Variants in TEN1 observed in about 807,000 individuals in gnomAD.
TEN1 encodes TEN1 subunit of CST complex.
Under a neutral mutation model 9.3 loss-of-function variants are expected in TEN1, and 6 were observed. That is an observed-to-expected ratio of 0.65 (90% CI 0.35 to 1.27). TEN1 has a LOEUF of 1.27. TEN1 is among the 50% of genes most tolerant of loss of function. The pLI is 0.03. For missense variants in TEN1, 149 were observed against 158.2 expected, an observed-to-expected ratio of 0.94 and a Z score of 0.31; for synonymous variants, 65 against 65.6, an observed-to-expected ratio of 0.99 and a Z score of 0.04.
intron 3 of TEN1, among the ~76,000 whole-genome samples, chr17:75,998,017 A>T (rs2066227558): frequency 6.6e-6 from 1 of 151,916 alleles, no homozygotes; most frequent in Admixed American, 6.6e-5. Flanking sequence ...ACACCCAGCT[A>T]ATTTTTGTCT....
intron 2 of TEN1, among the ~76,000 whole-genome samples, chr17:75,989,195 G>A (rs1256149730): frequency 6.6e-6 from 1 of 151,228 alleles, no homozygotes; most frequent in Non-Finnish European, 1.5e-5. Context: ...TGCCTCCCAG[G>A]TTCACGCCAT....
chr17:75,983,898 C>T (rs1376193595), intron 1 of TEN1, among the ~76,000 whole-genome samples: 1 of 152,038 alleles, frequency 6.6e-6, no homozygotes, highest in African/African-American at 2.4e-5. Flanking sequence ...AAGATATCTC[C>T]AAAGGCCAAT....
chr17:75,997,255 A>G (rs1291357981), intron 3 of TEN1, among the ~76,000 whole-genome samples: 1 of 152,116 alleles, frequency 6.6e-6, no homozygotes, highest in Non-Finnish European at 1.5e-5. Context: ...GAGTGCAGAA[A>G]GATCACAGAA....
Position 75,990,791 on chromosome 17 carries a change from G to GAAA in TEN1, c.93-663_93-661dup, listed in dbSNP as rs34463013. On this transcript the variant is annotated intron_variant, in intron 2 of 3. Transcript: ENST00000397640. ...GGTCAAGGCTGCAGCCTGGGATACAGAAAAAAAAAAAAAAGAAAGGAAGAA... is the reference window on the plus strand; with the variant it reads ...GGTCAAGGCTGCAGCCTGGGATACAGAAAAAAAAAAAAAAAAAGAAAGGAAGAA... Among the ~76,000 whole-genome samples, 305 of 123,386 alleles carry GAAA rather than the reference G, an allele frequency of 2.5e-3. 4 individuals carry two copies. The highest frequency in any genetic ancestry group is 6.6e-3 in the African/African-American group (237 of 36,000). 80.9% of individuals were successfully genotyped at this position (123,386 alleles called of 152,430 possible). A position where few individuals can be genotyped will look rare whatever the true frequency, so the allele number is the denominator to read the frequency against.
At position 75,991,495 on chromosome 17, in the gene TEN1, G is replaced by C; in HGVS notation, c.122G>C (p.Arg41Thr). ...TGCCTCTATGACATGATTCAGTCCA[G>C]AGTAACACTGATGGCTCAGCACGGA... ...RLCLYDMIQSRVTLMAQHGSD... is the reference protein window; with the variant it reads ...RLCLYDMIQSTVTLMAQHGSD... Residue 41 changes from arginine (R) to threonine (T), a missense_variant, in exon 3 of 4, where the codon AGA (arginine) becomes ACA (threonine). By Grantham distance (71) the Arg-to-Thr change is moderately conservative (BLOSUM62 -1). Transcript: ENST00000397640. 1 of 1,552,286 alleles carries C rather than the reference G, an allele frequency of 6.4e-7. No homozygotes were observed.
At chr17:75,980,428 A>AT (rs758453002) in intron 1 of TEN1, among the ~76,000 whole-genome samples, 21,949 of 145,942 alleles carry the variant, frequency 0.15, 2,039 homozygotes, top group African/African-American at 0.28. Flanking sequence ...ATCTCTAGTC[A>AT]TTTTTTTTTT....
At chr17:75,981,646 T>TC (rs1044211963) in intron 1 of TEN1, among the ~76,000 whole-genome samples, 2 of 148,294 alleles carry the variant, frequency 1.3e-5, no homozygotes, top group African/African-American at 5.0e-5. Flanking sequence ...AGGTGCATTC[T>TC]CCCCCGAGCC....
At position 75,998,410 on chromosome 17, in the gene TEN1, T is replaced by C. The variant is rs917315299; in HGVS notation, c.251-1731T>C. Among the ~76,000 whole-genome samples the C allele has an allele frequency of 2.0e-5, 3 of 151,836 alleles. No homozygotes were observed. The South Asian group carries it at 6.2e-4, about 31-fold the overall frequency. On this transcript the variant is annotated intron_variant, in intron 3 of 3. Transcript: ENST00000397640. Reference sequence around the variant, plus strand: ...ATCTGCTTGTCTTGCCCTCCCAAAGTGTTGGGATTACAGTGTTGGGAGCCA... The same window carrying C: ...ATCTGCTTGTCTTGCCCTCCCAAAGCGTTGGGATTACAGTGTTGGGAGCCA...
chr17:75,981,389 G>A (rs1390239099), intron 1 of TEN1, among the ~76,000 whole-genome samples: 2 of 151,996 alleles, frequency 1.3e-5, no homozygotes, highest in African/African-American at 2.4e-5. Flanking sequence ...GTTTCACTAT[G>A]TTGACCAGGC....
intron 3 of TEN1, among the ~76,000 whole-genome samples, chr17:75,998,527 T>C (rs1162383021): frequency 1.3e-5 from 2 of 152,144 alleles, no homozygotes; most frequent in African/African-American, 4.8e-5. Flanking sequence ...TCAAATGAGT[T>C]CATTGCCTAA....
intron 3 of TEN1, among the ~76,000 whole-genome samples, chr17:75,998,725 C>T (rs898926376): frequency 6.6e-6 from 1 of 152,136 alleles, no homozygotes; most frequent in Non-Finnish European, 1.5e-5. Context: ...GAGTCTCACT[C>T]TGTTGCCCAG....
At position 75,992,143 on chromosome 17, in the gene TEN1, C is replaced by G. The variant is rs181182738; in HGVS notation, c.250+520C>G. 1.8e-4 allele frequency among the ~76,000 whole-genome samples: 27 copies of G among 152,054 alleles called. No individual in the cohort carries two copies. The East Asian group carries it at 4.8e-3, about 27-fold the overall frequency. ...GAGAGAAACCACTAATTTCTCAAGG[C>G]CTACAACACACCAGGCCTGATGTGA... On this transcript the variant is annotated intron_variant, in intron 3 of 3. Transcript: ENST00000397640.
At chr17:75,986,108 T>C in intron 1 of TEN1, 79 bp from the exon 2 acceptor site, 1 of 1,154,318 alleles carries the variant, frequency 8.7e-7, no homozygotes, top group Non-Finnish European at 1.2e-6. Context: ...GTTGGTCTCA[T>C]ATATCTGCTA....
At chr17:75,984,764 A>G (rs2066141824) in intron 1 of TEN1, 1 of 152,250 alleles carries the variant, frequency 6.6e-6, no homozygotes, top group Non-Finnish European at 1.5e-5. Context: ...CTGTCAAGGA[A>G]CAGAGTTCAG....
chr17:75,991,427 C>T (rs565860031), intron 2 of TEN1, 39 bp from the exon 3 acceptor site: 35 of 1,547,050 alleles, frequency 2.3e-5, no homozygotes, highest in Admixed American at 1.2e-4. Flanking sequence ...GGTGATTCTA[C>T]GTATGGATGG....
chr17:75,982,045 A>C lies in TEN1; in HGVS notation c.-7+2534A>C, dbSNP rs919874381. Among the ~76,000 whole-genome samples the C allele has an allele frequency of 7.9e-5, 12 of 152,144 alleles. 1 individual carries two copies. The highest frequency in any genetic ancestry group is 4.1e-4 in the South Asian group (2 of 4,826). ...CTGTCTCAAAAAACAAACAAAAAAA[A>C]CCCTAAATATATTACTCTTAACTTT... On this transcript the variant is annotated intron_variant, in intron 1 of 3. Transcript: ENST00000397640.
intron 3 of TEN1, among the ~76,000 whole-genome samples, chr17:75,993,290 G>T (rs968902656): frequency 5.3e-5 from 8 of 151,568 alleles, no homozygotes; most frequent in Admixed American, 2.0e-4. Flanking sequence ...TTTTAGTAGA[G>T]ATGGGGGTTT....
chr17:76,000,288 A>G lies in TEN1; in HGVS notation c.*26A>G. 1 of 1,545,800 alleles carries G rather than the reference A, an allele frequency of 6.5e-7. No homozygotes were observed. The highest frequency in any genetic ancestry group is 8.7e-7 in the Non-Finnish European group (1 of 1,143,624). Reference sequence around the variant, plus strand: ...GAAACAGCAGCCTAGCAACACCCTCACCTGCTTCAGAGCCCGAACCCTCTG... The same window carrying G: ...GAAACAGCAGCCTAGCAACACCCTCGCCTGCTTCAGAGCCCGAACCCTCTG... On this transcript the variant is annotated 3_prime_UTR_variant, in exon 4 of 4. Transcript: ENST00000397640. This position sits in a 1 kb window ranked among gnomAD's most constrained non-coding sequence, Gnocchi z 5.9.
At chr17:75,990,366 G>T (rs1471501155) in intron 2 of TEN1, among the ~76,000 whole-genome samples, 1 of 151,868 alleles carries the variant, frequency 6.6e-6, no homozygotes, top group Non-Finnish European at 1.5e-5. Context: ...CTTATGGTAG[G>T]GGAAAACATC....
Sources: allele counts gnomAD v4.1 joint callset (sites outside exome capture counted in the v4.1 genomes callset), GRCh38; gene constraint gnomAD v4.1.1; non-coding constraint Gnocchi (gnomAD v3.1); transcripts MANE v1.5; gene names NCBI Gene and HGNC (gene_info 2026-07-23, HGNC 2026-07-21).